HEATR5A: variants seen among roughly 807,000 people sequenced by gnomAD.
The protein encoded by HEATR5A is HEAT repeat-containing protein 5A.
A neutral mutation model predicts 218.8 loss-of-function variants in HEATR5A; 178 were observed. The ratio of observed to expected loss-of-function variants is 0.81; its 90% confidence interval spans 0.72 to 0.92. The LOEUF is 0.92. HEATR5A is among the 40% of genes least tolerant of loss of function. The probability of loss-of-function intolerance (pLI) is 0.00; values close to 1 mark genes in which losing one functional copy is unlikely to be tolerated. For synonymous variants in HEATR5A, 864 were observed against 871.6 expected (o/e 0.99, Z 0.15); for missense variants, 2,420 against 2,418.9 (o/e 1.00, Z -0.01).
intron 21 of HEATR5A, among the ~76,000 whole-genome samples, chr14:31,340,242 T>A (rs1900797542): frequency 6.6e-6 from 1 of 151,924 alleles, no homozygotes; most frequent in Admixed American, 6.6e-5. Context: ...AAGGAGTGAG[T>A]GCACCAGCTG....
intron 25 of HEATR5A, among the ~76,000 whole-genome samples, chr14:31,321,184 G>C (rs1411093193): frequency 6.6e-6 from 1 of 151,150 alleles, no homozygotes; most frequent in Non-Finnish European, 1.5e-5. Flanking sequence ...TTTGAGACAG[G>C]GTCTGGATCT....
intron 16 of HEATR5A, among the ~76,000 whole-genome samples, chr14:31,355,880 G>A (rs1901409086): frequency 6.6e-6 from 1 of 152,166 alleles, no homozygotes; most frequent in Admixed American, 6.5e-5. Flanking sequence ...TTAATAAATT[G>A]TGCATTAATT....
intron 1 of HEATR5A, among the ~76,000 whole-genome samples, chr14:31,418,911 T>C (rs910018793): frequency 3.3e-5 from 5 of 152,166 alleles, no homozygotes; most frequent in Non-Finnish European, 5.9e-5. Context: ...GGTAAGTGTA[T>C]TGGTTAAAGA....
At position 31,326,279 on chromosome 14, in the gene HEATR5A, T is replaced by C. The variant is rs1430598507; in HGVS notation, c.3431A>G (p.Asp1144Gly). ...TTTGATATCATGGCATAATCTCTCA[T>C]CTGTCTCCTTGTCTAGTAAGATCAA... ...ALLILLDKETDERLCHDIKET... is the reference protein window; with the variant it reads ...ALLILLDKETGERLCHDIKET... Residue 1144 changes from aspartate to glycine, a missense_variant, in exon 23 of 36, where the codon GAT becomes GGT. Physicochemically the swap from Asp to Gly is moderately conservative, Grantham distance 94. Coordinates refer to ENST00000543095, the MANE Select transcript of HEATR5A (RefSeq NM_015473.4). The C allele has an allele frequency of 1.2e-6, 2 of 1,613,328 alleles. No homozygotes were observed. Among genetic ancestry groups the C allele is most frequent in the South Asian group, 1.1e-5 (1 of 91,068 alleles).
chr14:31,321,533 G>A lies in HEATR5A; in HGVS notation c.3935C>T (p.Pro1312Leu). ...RFATVPEPEF[P>L]GHVILEQYQA... ...ATACTGTTCCAGAATCACATGACCT[G>A]GAAACTCTGGTTCTGGAACAGTTGC... Residue 1312 changes from proline to leucine, a missense_variant, in exon 25 of 36, where the codon CCA (proline) becomes CTA (leucine). Physicochemically the swap from Pro to Leu is moderately conservative, Grantham distance 98 (BLOSUM62 -3). Coordinates refer to ENST00000543095, the MANE Select transcript of HEATR5A (RefSeq NM_015473.4). 1 of 1,602,878 alleles carries A rather than the reference G, an allele frequency of 6.2e-7. No homozygotes were observed. Among genetic ancestry groups the A allele is most frequent in the South Asian group, 1.1e-5 (1 of 88,856 alleles).
chr14:31,339,249 A>C (rs893427277), intron 21 of HEATR5A, among the ~76,000 whole-genome samples: 1 of 151,822 alleles, frequency 6.6e-6, no homozygotes, highest in African/African-American at 2.4e-5. Flanking sequence ...CAGGAGTTTG[A>C]GACCAGCCTG....
At chr14:31,327,286 CTTTTTTTTTTTT>C (rs71951930) in intron 22 of HEATR5A, among the ~76,000 whole-genome samples, 1,250 of 45,318 alleles carry the variant, frequency 0.028, 38 homozygotes, top group African/African-American at 0.09. Flanking sequence ...TCCAGTGGCA[CTTTTTTTTTTTT>C]TTTTTTTTTT....
chr14:31,319,510 T>A (rs17097811), intron 25 of HEATR5A, among the ~76,000 whole-genome samples: 2,831 of 152,284 alleles, frequency 0.019, 58 homozygotes, highest in Middle Eastern at 0.048. Flanking sequence ...TCCCTAAGCA[T>A]ATGTTGGTAT....
At chr14:31,377,218 G>A (rs1176873743) in intron 11 of HEATR5A, among the ~76,000 whole-genome samples, 2 of 151,404 alleles carry the variant, frequency 1.3e-5, no homozygotes, top group Non-Finnish European at 2.9e-5. Flanking sequence ...GGCAGAAAAT[G>A]TAGTGTAAAA....
intron 1 of HEATR5A, among the ~76,000 whole-genome samples, chr14:31,407,604 A>ATATATATT (rs1555372426): frequency 0.035 from 50 of 1,418 alleles, no homozygotes; most frequent in African/African-American, 0.051. Context: ...ATATATATAT[A>ATATATATT]TATATATATA....
At chr14:31,322,834 A>G (rs1407618634) in intron 24 of HEATR5A, among the ~76,000 whole-genome samples, 16 of 151,718 alleles carry the variant, frequency 1.1e-4, no homozygotes, top group Admixed American at 1.1e-3. Flanking sequence ...AAAAAAAAAA[A>G]AACACAAATA....
At chr14:31,307,046 C>T (rs909057311) in intron 30 of HEATR5A, among the ~76,000 whole-genome samples, 167 bp from the exon 31 acceptor site, 15 of 152,122 alleles carry the variant, frequency 9.9e-5, no homozygotes, top group African/African-American at 2.4e-4. Flanking sequence ...CTCCAGAGGC[C>T]GGGCACAGTG....
chr14:31,380,959 C>G (rs1052547254), intron 10 of HEATR5A, among the ~76,000 whole-genome samples: 7 of 152,152 alleles, frequency 4.6e-5, no homozygotes, highest in African/African-American at 1.7e-4. Flanking sequence ...CTTAAAAATG[C>G]TACATACAGC....
At chr14:31,406,566 C>T (rs187691644) in intron 1 of HEATR5A, among the ~76,000 whole-genome samples, 2 of 152,266 alleles carry the variant, frequency 1.3e-5, no homozygotes, top group East Asian at 1.9e-4. Context: ...TCACACAGAA[C>T]CTGGGTGTGC....
intron 1 of HEATR5A, among the ~76,000 whole-genome samples, chr14:31,414,985 G>A (rs780594553): frequency 2.0e-5 from 3 of 152,030 alleles, no homozygotes; most frequent in Non-Finnish European, 2.9e-5. Context: ...GGATTAAGGC[G>A]CGCACCACCA....
chr14:31,349,974 C>G lies in HEATR5A; in HGVS notation c.2523G>C (p.Val841=), dbSNP rs1368104819. ...VSSVSSFLKY[V]AGSKGCLGPE... ...GACCTAAACATCCCTTGGAGCCAGC[C>G]ACGTACTGAAATATGTAAAGAACAA... Residue 841 remains valine, a synonymous_variant, in exon 18 of 36, where the codon GTG becomes GTC. Coordinates refer to ENST00000543095, the MANE Select transcript of HEATR5A (RefSeq NM_015473.4). 2 of 1,566,250 alleles carry G rather than the reference C, an allele frequency of 1.3e-6. No individual in the cohort carries two copies. The highest frequency in any genetic ancestry group is 8.7e-7 in the Non-Finnish European group (1 of 1,155,422).
intron 14 of HEATR5A, among the ~76,000 whole-genome samples, chr14:31,359,287 AGTGTGT>A (rs35338545): frequency 4.0e-4 from 20 of 50,506 alleles, no homozygotes; most frequent in South Asian, 8.7e-4. Context: ...AAAGTGTAAG[AGTGTGT>A]GTGTGTGTGT....
At chr14:31,299,808 G>A (rs1404816822) in intron 33 of HEATR5A, among the ~76,000 whole-genome samples, 3 of 149,766 alleles carry the variant, frequency 2.0e-5, no homozygotes, top group Non-Finnish European at 3.0e-5. Flanking sequence ...TGAGGCAGGC[G>A]GATCACGAGG....
At position 31,364,268 on chromosome 14, in the gene HEATR5A, A is replaced by C. The variant is rs768280741; in HGVS notation, c.1992T>G (p.Ser664Arg). The change falls in exon 14 of 36, where the codon AGT (serine) becomes AGG (arginine). Residue 664 changes from serine to arginine, a missense_variant. Transcript: ENST00000543095. The stretch of plus-strand genomic sequence containing the variant: ...AAACCACTGACGGTGTTTTCAAAGG[A>C]CTTCCATACATTTTTAGTATTGAAG... ...QLSSILKMYG[S>R]PLKTPSVVYR... The C allele has an allele frequency of 3.2e-5, 49 of 1,545,030 alleles. No homozygotes were observed. The South Asian group carries it at 5.9e-4, about 19-fold the overall frequency.
Sources: gnomAD v4.1 joint callset for allele counts (sites outside exome capture counted in the v4.1 genomes callset) on GRCh38, gnomAD v4.1.1 for gene constraint, MANE v1.5 for transcripts, NCBI Gene and HGNC (gene_info 2026-07-23, HGNC 2026-07-21) for gene names.